ARSJ: variants seen among roughly 807,000 people sequenced by gnomAD.
The protein encoded by ARSJ is arylsulfatase family member J.
ARSJ carries 26 observed loss-of-function variants against 35.9 expected under a neutral mutation model. The observed-to-expected ratio is 0.72, with a 90% CI of 0.53 to 1.00. The LOEUF is 1.00. Ranked by LOEUF, ARSJ falls within the 50% of genes least tolerant of loss-of-function variation. The pLI, the probability that ARSJ is intolerant of heterozygous loss-of-function variation, is 0.00. For missense variants in ARSJ, 667 were observed against 723.6 expected (o/e 0.92, Z 0.90); for synonymous variants, 294 against 267.6 (o/e 1.10, Z -0.96).
chr4:113,928,174 T>A (rs1217288732), intron 1 of ARSJ, among the ~76,000 whole-genome samples: 1 of 152,150 alleles, frequency 6.6e-6, no homozygotes, highest in African/African-American at 2.4e-5. Flanking sequence ...GGAATTAATG[T>A]CAGCTCAGAG....
intron 1 of ARSJ, among the ~76,000 whole-genome samples, chr4:113,976,118 TA>T (rs1727576360): frequency 6.6e-6 from 1 of 152,124 alleles, no homozygotes; most frequent in Non-Finnish European, 1.5e-5. Flanking sequence ...ATTCGTGTAG[TA>T]AAAGAAAATG....
chr4:113,978,339 C>T lies in ARSJ; in HGVS notation c.398+98G>A, dbSNP rs187295625. On this transcript the variant is annotated intron_variant, in intron 1 of 1. Coordinates refer to ENST00000315366, the MANE Select transcript of ARSJ (RefSeq NM_024590.4). ...TTCATTCTTCATTCATTCAGTTGTT[C>T]CCCATACTTTCTGTTACTCCCTTAA... 6.6e-4 allele frequency: 745 copies of T among 1,134,424 alleles called. 2 individuals are homozygous for T. Among genetic ancestry groups the T allele is most frequent in the Non-Finnish European group, 7.9e-4 (630 of 799,088 alleles). 70.3% of individuals were successfully genotyped at this position (1,134,424 alleles called of 1,614,324 possible).
chr4:113,909,236 A>G (rs1321124229), intron 1 of ARSJ, among the ~76,000 whole-genome samples: 7 of 152,220 alleles, frequency 4.6e-5, no homozygotes. Context: ...ATTTCAAAGC[A>G]TAGAATTAGG....
chr4:113,924,322 GC>G (rs1242467206), intron 1 of ARSJ, among the ~76,000 whole-genome samples: 1 of 151,570 alleles, frequency 6.6e-6, no homozygotes, highest in African/African-American at 2.4e-5. Flanking sequence ...ATGTTTTTCT[GC>G]CTGCTTTATA....
intron 1 of ARSJ, among the ~76,000 whole-genome samples, chr4:113,912,146 A>T (rs1380187320): frequency 6.6e-6 from 1 of 152,190 alleles, no homozygotes; most frequent in Non-Finnish European, 1.5e-5. Flanking sequence ...ATTCATGGGA[A>T]CTCATGTCGT....
At chr4:113,925,160 C>T (rs1046656399) in intron 1 of ARSJ, among the ~76,000 whole-genome samples, 5 of 152,138 alleles carry the variant, frequency 3.3e-5, no homozygotes, top group Admixed American at 1.3e-4. Context: ...CACTAACTCC[C>T]TTCTTAGCCT....
At chr4:113,923,566 T>C (rs1307550260) in intron 1 of ARSJ, among the ~76,000 whole-genome samples, 2 of 152,272 alleles carry the variant, frequency 1.3e-5, no homozygotes, top group East Asian at 3.9e-4. Flanking sequence ...ACAGGAAAGA[T>C]TTTGTTCTTT....
intron 1 of ARSJ, among the ~76,000 whole-genome samples, chr4:113,952,887 G>A (rs542581230): frequency 6.6e-6 from 1 of 152,138 alleles, no homozygotes; most frequent in African/African-American, 2.4e-5. Flanking sequence ...TGATATCAAT[G>A]CCAGAAAATG....
intron 1 of ARSJ, among the ~76,000 whole-genome samples, chr4:113,925,098 G>C (rs1407489117): frequency 1.3e-5 from 2 of 151,998 alleles, no homozygotes; most frequent in South Asian, 2.1e-4. Context: ...CCTCCGTTAT[G>C]GAGTAGTAGA....
chr4:113,903,218 T>C lies in ARSJ; in HGVS notation c.856A>G (p.Ile286Val). The part of the protein sequence containing the change: ...GRYFEHYRSI[I>V]NINRRRYAAM... The stretch of plus-strand genomic sequence containing the variant: ...GCATATCTCCTCCTGTTTATGTTGA[T>C]AATGGATCGGTAGTGTTCGAAATAC... Residue 286 changes from isoleucine (I) to valine (V), a missense_variant, in exon 2 of 2, where the codon ATC (isoleucine) becomes GTC (valine). By Grantham distance (29) the Ile-to-Val change is conservative (BLOSUM62 3). Transcript: ENST00000315366. 6.2e-7 allele frequency: 1 copy of C among 1,614,220 alleles called. No individual in the cohort carries two copies. Among genetic ancestry groups the C allele is most frequent in the Non-Finnish European group, 8.5e-7 (1 of 1,180,036 alleles).
At chr4:113,911,687 G>A (rs1284389971) in intron 1 of ARSJ, among the ~76,000 whole-genome samples, 3 of 152,092 alleles carry the variant, frequency 2.0e-5, no homozygotes, top group Non-Finnish European at 4.4e-5. Flanking sequence ...TCCAGAAAAG[G>A]GATAGGAATA....
intron 1 of ARSJ, chr4:113,906,713 G>C (rs1286541016): frequency 1.8e-5 from 8 of 455,856 alleles, no homozygotes; most frequent in Non-Finnish European, 3.1e-5. Flanking sequence ...GTTTTGGGAA[G>C]TACTTAATCC....
chr4:113,932,829 C>A (rs1724539013), intron 1 of ARSJ, among the ~76,000 whole-genome samples: 1 of 151,734 alleles, frequency 6.6e-6, no homozygotes, highest in Non-Finnish European at 1.5e-5. Flanking sequence ...TAAACTCAAC[C>A]TTAATAGGAG....
Position 113,903,522 on chromosome 4 carries a change from T to C in ARSJ, c.552A>G (p.Lys184=). ...VGKWHLGFYR[K]ECMPTRRGFD... is the part of the protein sequence containing the mutation. ...ATCCTCTTCTGGTGGGCATGCATTC[T>C]TTTCTGTAAAAACCCAAGTGCCATT... The change falls in exon 2 of 2, where the codon AAA becomes AAG. Residue 184 remains lysine (K), a synonymous_variant. Transcript: ENST00000315366. 6.2e-7 allele frequency: 1 copy of C among 1,614,192 alleles called. No individual in the cohort carries two copies. The highest frequency in any genetic ancestry group is 8.5e-7 in the Non-Finnish European group (1 of 1,180,030).
intron 1 of ARSJ, among the ~76,000 whole-genome samples, chr4:113,929,520 C>T (rs1023982057): frequency 4.6e-5 from 7 of 152,034 alleles, no homozygotes; most frequent in Non-Finnish European, 1.0e-4. Flanking sequence ...ACTCAGTGTC[C>T]CCAGGTTTAT....
chr4:113,941,159 G>A (rs1725135357), intron 1 of ARSJ, among the ~76,000 whole-genome samples: 1 of 151,998 alleles, frequency 6.6e-6, no homozygotes, highest in African/African-American at 2.4e-5. Flanking sequence ...CTTTCTAGAT[G>A]TAAACGTGAT....
chr4:113,943,165 C>T (rs1200055753), intron 1 of ARSJ: 1 of 151,862 alleles, frequency 6.6e-6, no homozygotes, highest in African/African-American at 2.4e-5. Flanking sequence ...CAATTTCAAC[C>T]CTCTTTGCTC....
In ARSJ at chr4:113,902,121, G is replaced by A; in HGVS notation, c.*153C>T. ...GAGCAGGACAGTTTTCAGTGTGGCG[G>A]CCAGGTGGCAGAAGTCTCTGGAGTG... On this transcript the variant is annotated 3_prime_UTR_variant, in exon 2 of 2. Coordinates refer to ENST00000315366, the MANE Select transcript of ARSJ (RefSeq NM_024590.4). 6.3e-7 allele frequency: 1 copy of A among 1,593,148 alleles called. No homozygotes were observed. Among genetic ancestry groups the A allele is most frequent in the Non-Finnish European group, 8.5e-7 (1 of 1,177,072 alleles).
chr4:113,923,814 T>C (rs1319426537), intron 1 of ARSJ, among the ~76,000 whole-genome samples: 2 of 151,500 alleles, frequency 1.3e-5, no homozygotes, highest in East Asian at 1.9e-4. Flanking sequence ...AGAACATTCC[T>C]ACAAAAATAA....
Sources: gnomAD v4.1 joint callset for allele counts (sites outside exome capture counted in the v4.1 genomes callset) on GRCh38, gnomAD v4.1.1 for gene constraint, MANE v1.5 for transcripts, NCBI Gene and HGNC (gene_info 2026-07-23, HGNC 2026-07-21) for gene names.